STUM: variants seen among roughly 807,000 people sequenced by gnomAD.
STUM encodes the protein stum, mechanosensory transduction mediator homolog.
A neutral mutation model predicts 15.3 loss-of-function variants in STUM; 8 were observed. The ratio of observed to expected loss-of-function variants is 0.52; its 90% CI spans 0.31 to 0.94. The LOEUF is 0.94. Among genes scored for constraint, STUM ranks in the 40% least tolerant of loss-of-function variants. The pLI, the probability that STUM is intolerant of heterozygous loss-of-function variation, is 0.05. For missense variants in STUM, 142 were observed against 204.9 expected (o/e 0.69, Z 1.87); for synonymous variants, 78 against 88.7 (o/e 0.88, Z 0.68).
intron 1 of STUM, among the ~76,000 whole-genome samples, chr1:226,582,386 A>C (rs1302385304): frequency 6.6e-6 from 1 of 152,196 alleles, no homozygotes; most frequent in Admixed American, 6.5e-5. Context: ...TGAGGTCAGG[A>C]GTTCGAGACC....
At chr1:226,560,439 G>A (rs1241753976) in intron 1 of STUM, among the ~76,000 whole-genome samples, 3 of 152,218 alleles carry the variant, frequency 2.0e-5, no homozygotes, top group Non-Finnish European at 2.9e-5. Flanking sequence ...GACGCGAGCA[G>A]CCTCCAGGCT....
At chr1:226,573,847 T>C (rs1450000266) in intron 1 of STUM, among the ~76,000 whole-genome samples, 1 of 151,888 alleles carries the variant, frequency 6.6e-6, no homozygotes, top group Non-Finnish European at 1.5e-5. Flanking sequence ...ACTTTTTTTT[T>C]TTTTTTGAGA....
chr1:226,576,541 C>A (rs1038041636), intron 1 of STUM, among the ~76,000 whole-genome samples: 12 of 152,072 alleles, frequency 7.9e-5, no homozygotes, highest in African/African-American at 2.9e-4. Flanking sequence ...TAGTGGACAC[C>A]CAAAAGGCAT....
rs1668253340 is a variant in STUM, at chr1:226,600,962, T to C, written c.391+288T>C. Among the ~76,000 whole-genome samples, 1 of 152,184 alleles carries C rather than the reference T, an allele frequency of 6.6e-6. No individual in the cohort carries two copies. The highest frequency in any genetic ancestry group is 2.4e-5 in the African/African-American group (1 of 41,430). On this transcript the variant is annotated intron_variant, in intron 3 of 3. Coordinates refer to ENST00000366788, the MANE Select transcript of STUM (RefSeq NM_001003665.4). This position sits in a 1 kb window ranked among gnomAD's most constrained non-coding sequence, Gnocchi z 5.2. ...ATCTCCCCTACCCCAGCATGGGTTATTAGCACCCAAAATTGAGAAATACTC... is the reference window on the plus strand; with the variant it reads ...ATCTCCCCTACCCCAGCATGGGTTACTAGCACCCAAAATTGAGAAATACTC...
At chr1:226,579,490 G>A (rs1001392304) in intron 1 of STUM, among the ~76,000 whole-genome samples, 1 of 152,208 alleles carries the variant, frequency 6.6e-6, no homozygotes, top group Non-Finnish European at 1.5e-5. Flanking sequence ...ACCCGCAAGT[G>A]TGAGATGAGG....
chr1:226,585,721 C>G, intron 1 of STUM, among the ~76,000 whole-genome samples: 1 of 152,134 alleles, frequency 6.6e-6, no homozygotes, highest in East Asian at 1.9e-4. Context: ...TTCTTGAGGG[C>G]CAGGACACTG....
chr1:226,574,291 T>C (rs1249326887), intron 1 of STUM, among the ~76,000 whole-genome samples: 1 of 152,266 alleles, frequency 6.6e-6, no homozygotes. Context: ...TCTCTGTTTC[T>C]GTGTATTTGA....
rs1272949247 is a variant in STUM, at chr1:226,607,184, CA to C, written c.*5145del. The C allele has an allele frequency of 6.6e-6, 1 of 152,304 alleles. No homozygotes were observed. The highest frequency in any genetic ancestry group is 1.5e-5 in the Non-Finnish European group (1 of 68,124). 9.4% of individuals were successfully genotyped at this position (152,304 alleles called of 1,614,324 possible). On this transcript the variant is annotated 3_prime_UTR_variant, in exon 4 of 4. Coordinates refer to ENST00000366788, the MANE Select transcript of STUM (RefSeq NM_001003665.4). ...AGCCTGAGCAGGTGGGTGCAAGGCT[CA>C]GGGGCCTGTGTTTTTCATCAATCAG...
Position 226,565,398 on chromosome 1 carries a change from C to A in STUM, c.202+16292C>A, listed in dbSNP as rs942575388. Among the ~76,000 whole-genome samples the A allele has an allele frequency of 3.3e-5, 5 of 152,124 alleles. No homozygotes were observed. Among genetic ancestry groups the A allele is most frequent in the African/African-American group, 9.7e-5 (4 of 41,414 alleles). On this transcript the variant is annotated intron_variant, in intron 1 of 3. Coordinates refer to ENST00000366788, the MANE Select transcript of STUM (RefSeq NM_001003665.4). This position sits in a 1 kb window ranked among gnomAD's most constrained non-coding sequence, Gnocchi z 4.4. ...ACACAGAGATGTTTGTTTTTAGCAC[C>A]CCTGACTAGACTGTGGGGTCCTGAA...
At chr1:226,560,012 G>C (rs1254911615) in intron 1 of STUM, among the ~76,000 whole-genome samples, 1 of 151,842 alleles carries the variant, frequency 6.6e-6, no homozygotes, top group African/African-American at 2.4e-5. Flanking sequence ...GATGGCGGGC[G>C]CCTGTAATCC....
chr1:226,603,456 T>C lies in STUM; in HGVS notation c.*1416T>C, dbSNP rs768796170. 5 of 152,218 alleles carry C rather than the reference T, an allele frequency of 3.3e-5. No individual in the cohort carries two copies. Among genetic ancestry groups the C allele is most frequent in the Non-Finnish European group, 7.3e-5 (5 of 68,034 alleles). 9.4% of individuals were successfully genotyped at this position (152,218 alleles called of 1,614,324 possible). On this transcript the variant is annotated 3_prime_UTR_variant, in exon 4 of 4. Coordinates refer to ENST00000366788, the MANE Select transcript of STUM (RefSeq NM_001003665.4). Reference sequence around the variant, plus strand: ...CTTTCCTTTCATTTTCATTCTAACATAGGAAATGCTAACAGATGGGGCTGG... The same window carrying C: ...CTTTCCTTTCATTTTCATTCTAACACAGGAAATGCTAACAGATGGGGCTGG...
At chr1:226,599,174 T>G (rs1010291192) in intron 2 of STUM, among the ~76,000 whole-genome samples, 5 of 152,144 alleles carry the variant, frequency 3.3e-5, no homozygotes. Flanking sequence ...GGAGTTACAA[T>G]TCAAGATGAG....
At chr1:226,558,563 T>C (rs980184953) in intron 1 of STUM, among the ~76,000 whole-genome samples, 5 of 152,136 alleles carry the variant, frequency 3.3e-5, no homozygotes, top group African/African-American at 1.2e-4. Context: ...ACTGGAAGCT[T>C]TCTCCACTGT....
Position 226,607,865 on chromosome 1 carries a change from C to T in STUM, c.*5825C>T, listed in dbSNP as rs576724110. The T allele has an allele frequency of 2.0e-5, 3 of 152,522 alleles. No homozygotes were observed. Among genetic ancestry groups the T allele is most frequent in the African/African-American group, 4.8e-5 (2 of 41,590 alleles). 9.4% of individuals were successfully genotyped at this position (152,522 alleles called of 1,614,324 possible). A position where few individuals can be genotyped will look rare whatever the true frequency, so the allele number is the denominator to read the frequency against. ...CCCCACATGGACAGAGGCACACACTCGCACACATTCCCAGCACCTTTGACT... is the reference window on the plus strand; with the variant it reads ...CCCCACATGGACAGAGGCACACACTTGCACACATTCCCAGCACCTTTGACT... On this transcript the variant is annotated 3_prime_UTR_variant, in exon 4 of 4. Coordinates refer to ENST00000366788, the MANE Select transcript of STUM (RefSeq NM_001003665.4).
At chr1:226,588,731 AG>A (rs900411783) in intron 1 of STUM, among the ~76,000 whole-genome samples, 4 of 152,198 alleles carry the variant, frequency 2.6e-5, no homozygotes, top group African/African-American at 9.7e-5. Context: ...GGGCCCGGGA[AG>A]GTGTATTTTT....
At position 226,552,316 on chromosome 1, in the gene STUM, C is replaced by A. The variant is rs987567718; in HGVS notation, c.202+3210C>A. Among the ~76,000 whole-genome samples, 1 of 152,178 alleles carries A rather than the reference C, an allele frequency of 6.6e-6. No homozygotes were observed. Among genetic ancestry groups the A allele is most frequent in the African/African-American group, 2.4e-5 (1 of 41,436 alleles). Reference sequence around the variant, plus strand: ...CTGAAACAATGAAAAACAATTTTTACAAGTGGACATTAGTAAAGAGAGTCA... The same window carrying A: ...CTGAAACAATGAAAAACAATTTTTAAAAGTGGACATTAGTAAAGAGAGTCA... On this transcript the variant is annotated intron_variant, in intron 1 of 3. Transcript: ENST00000366788. This position sits in a 1 kb window ranked among gnomAD's most constrained non-coding sequence, Gnocchi z 4.7.
chr1:226,575,823 A>G (rs147180929), intron 1 of STUM, among the ~76,000 whole-genome samples: 123 of 152,338 alleles, frequency 8.1e-4, no homozygotes, highest in Middle Eastern at 3.4e-3. Flanking sequence ...TCAGCCTTTC[A>G]CATCCGCAGA....
chr1:226,596,074 C>T (rs894161312), intron 1 of STUM, among the ~76,000 whole-genome samples: 1 of 152,168 alleles, frequency 6.6e-6, no homozygotes, highest in Non-Finnish European at 1.5e-5. Context: ...TGATGTTACC[C>T]ATAGGGGCTG....
intron 2 of STUM, among the ~76,000 whole-genome samples, chr1:226,599,216 G>T (rs1411452574): frequency 6.6e-6 from 1 of 152,136 alleles, no homozygotes; most frequent in Non-Finnish European, 1.5e-5. Flanking sequence ...AACCATATCA[G>T]GGGGATAGAC....
Sources: allele counts gnomAD v4.1 joint callset (sites outside exome capture counted in the v4.1 genomes callset), GRCh38; gene constraint gnomAD v4.1.1; non-coding constraint Gnocchi (gnomAD v3.1); transcripts MANE v1.5; gene names NCBI Gene and HGNC (gene_info 2026-07-23, HGNC 2026-07-21).